Variants in CTNND2 observed in about 807,000 individuals in gnomAD.
The protein encoded by CTNND2 is catenin delta 2.
In CTNND2, 22 loss-of-function variants were observed where a neutral mutation model predicts 144.4. That is an observed-to-expected ratio of 0.15 (90% confidence interval 0.11 to 0.22). The LOEUF is 0.22. Ranked by LOEUF, CTNND2 falls within the 10% of genes least tolerant of loss-of-function variation. CTNND2 has a pLI of 1.00. For synonymous variants in CTNND2, 751 were observed against 695.6 expected (o/e 1.08, Z -1.25); for missense variants, 1,353 against 1,618.8 (o/e 0.84, Z 2.82).
At chr5:11,523,764 TA>T (rs1377598558) in intron 3 of CTNND2, among the ~76,000 whole-genome samples, 3 of 152,156 alleles carry the variant, frequency 2.0e-5, no homozygotes, top group African/African-American at 7.2e-5. Context: ...CCTCTTCCCT[TA>T]TCGAAACTCT....
chr5:11,314,325 A>G (rs1378910355), intron 9 of CTNND2, among the ~76,000 whole-genome samples: 2 of 152,052 alleles, frequency 1.3e-5, no homozygotes, highest in African/African-American at 4.8e-5. Context: ...CCCAAGTCAG[A>G]CTCAAAGCTA....
intron 1 of CTNND2, among the ~76,000 whole-genome samples, chr5:11,845,442 G>A (rs1345011050): frequency 6.6e-6 from 1 of 152,138 alleles, no homozygotes; most frequent in African/African-American, 2.4e-5. Flanking sequence ...TTAAGATGAG[G>A]TCATACTGGA....
intron 2 of CTNND2, among the ~76,000 whole-genome samples, chr5:11,721,711 C>T (rs774210721): frequency 4.6e-5 from 7 of 152,230 alleles, no homozygotes; most frequent in African/African-American, 7.2e-5. Flanking sequence ...CTGGAGACTG[C>T]GTGCCTGTCC....
chr5:11,449,101 T>C (rs939889530), intron 3 of CTNND2, among the ~76,000 whole-genome samples: 5 of 152,192 alleles, frequency 3.3e-5, no homozygotes, highest in African/African-American at 1.2e-4. Context: ...TCTAGGTATC[T>C]AAAATTTTCA....
intron 2 of CTNND2, among the ~76,000 whole-genome samples, chr5:11,713,716 T>A (rs1392275861): frequency 1.3e-5 from 2 of 152,044 alleles, no homozygotes; most frequent in Non-Finnish European, 1.5e-5. Context: ...AAATACCAGC[T>A]CCATTTCATT....
intron 12 of CTNND2, among the ~76,000 whole-genome samples, chr5:11,140,739 T>C (rs1033634628): frequency 3.9e-5 from 6 of 152,116 alleles, no homozygotes; most frequent in Non-Finnish European, 5.9e-5. Context: ...CAAAAGTTCA[T>C]CCAATGTATA....
chr5:11,525,733 G>A (rs542535246), intron 3 of CTNND2, among the ~76,000 whole-genome samples: 6 of 152,256 alleles, frequency 3.9e-5, no homozygotes, highest in Admixed American at 1.3e-4. Context: ...TAACTGGCAC[G>A]CCTACACAGT....
At chr5:11,845,562 G>C (rs1262669690) in intron 1 of CTNND2, among the ~76,000 whole-genome samples, 1 of 152,152 alleles carries the variant, frequency 6.6e-6, no homozygotes, top group Non-Finnish European at 1.5e-5. Flanking sequence ...AAACAGAAAA[G>C]GTTGCTAGGG....
At position 11,618,156 on chromosome 5, in the gene CTNND2, C is replaced by T. The variant is rs932897856; in HGVS notation, c.175-53100G>A. Among the ~76,000 whole-genome samples the T allele has an allele frequency of 7.0e-4, 107 of 151,954 alleles. 1 individual carries two copies. The highest frequency in any genetic ancestry group is 2.7e-3 in the Admixed American group (41 of 15,240). ...TTGTGTCATGATGTCCATTTCATGT[C>T]ATTTGAAAAATCTCAAAGGAAACTC... On this transcript the variant is annotated intron_variant, in intron 2 of 21. Coordinates refer to ENST00000304623, the MANE Select transcript of CTNND2 (RefSeq NM_001332.4).
chr5:11,396,776 A>G lies in CTNND2; in HGVS notation c.612+255T>C, dbSNP rs1471000730. ...CACTGACATAGTCACACAGGGAAACATATATAAGACAGGTATAGCGTGAAC... is the reference window on the plus strand; with the variant it reads ...CACTGACATAGTCACACAGGGAAACGTATATAAGACAGGTATAGCGTGAAC... On this transcript the variant is annotated intron_variant, in intron 6 of 21. Coordinates refer to ENST00000304623, the MANE Select transcript of CTNND2 (RefSeq NM_001332.4). 2.6e-5 allele frequency among the ~76,000 whole-genome samples: 4 copies of G among 151,684 alleles called. No individual in the cohort carries two copies. In the East Asian group the frequency reaches 5.8e-4, roughly 22 times the overall value.
chr5:11,470,218 C>G (rs1767056500), intron 3 of CTNND2, among the ~76,000 whole-genome samples: 1 of 152,078 alleles, frequency 6.6e-6, no homozygotes, highest in South Asian at 2.1e-4. Context: ...GGCGGATCAC[C>G]TGAGGTCAGG....
At chr5:11,484,617 A>G (rs1285807279) in intron 3 of CTNND2, among the ~76,000 whole-genome samples, 1 of 152,192 alleles carries the variant, frequency 6.6e-6, no homozygotes, top group Admixed American at 6.5e-5. Context: ...ACCCAAGACA[A>G]CTATATCTTC....
intron 12 of CTNND2, among the ~76,000 whole-genome samples, chr5:11,124,284 C>T (rs868832173): frequency 6.6e-6 from 1 of 152,094 alleles, no homozygotes; most frequent in Admixed American, 6.5e-5. Flanking sequence ...GTATTAATTA[C>T]ACGTAAAAAT....
chr5:11,359,922 G>A (rs1427394872), intron 8 of CTNND2, among the ~76,000 whole-genome samples: 1 of 152,160 alleles, frequency 6.6e-6, no homozygotes, highest in Non-Finnish European at 1.5e-5. Flanking sequence ...CCATCCACAA[G>A]CCTGGAGTAG....
At chr5:11,045,728 A>T (rs79152028) in intron 16 of CTNND2, among the ~76,000 whole-genome samples, 28,908 of 151,980 alleles carry the variant, frequency 0.19, 3,343 homozygotes, top group Middle Eastern at 0.29. Context: ...CCCTTAACTT[A>T]ATTGTATCTG....
intron 2 of CTNND2, among the ~76,000 whole-genome samples, chr5:11,716,049 G>A (rs1479672300): frequency 6.6e-6 from 1 of 152,116 alleles, no homozygotes; most frequent in Non-Finnish European, 1.5e-5. Context: ...TGATGTGTCC[G>A]CATCTGTTCA....
intron 16 of CTNND2, among the ~76,000 whole-genome samples, chr5:11,053,090 G>A (rs1187657142): frequency 6.6e-6 from 1 of 152,184 alleles, no homozygotes; most frequent in East Asian, 1.9e-4. Flanking sequence ...AGAAAAGGAT[G>A]ACAGATGTGA....
chr5:11,770,680 T>C (rs1297534803), intron 1 of CTNND2, among the ~76,000 whole-genome samples: 1 of 152,184 alleles, frequency 6.6e-6, no homozygotes, highest in Non-Finnish European at 1.5e-5. Context: ...AGAGAGAACC[T>C]GTCCTGGGAC....
intron 10 of CTNND2, among the ~76,000 whole-genome samples, chr5:11,206,302 TTTTTTTC>T (rs1410429238): frequency 1.3e-5 from 2 of 152,300 alleles, no homozygotes; most frequent in East Asian, 3.9e-4. Flanking sequence ...CTCAAAGCTG[TTTTTTTC>T]TGGCAACTGT....
Sources: gnomAD v4.1 joint callset for allele counts (sites outside exome capture counted in the v4.1 genomes callset) on GRCh38, gnomAD v4.1.1 for gene constraint, MANE v1.5 for transcripts, NCBI Gene and HGNC (gene_info 2026-07-23, HGNC 2026-07-21) for gene names.